The following ZZEF1 variants were observed in gnomAD, a reference collection of about 807,000 sequenced individuals.
ZZEF1 encodes the protein zinc finger ZZ-type and EF-hand domain containing 1, also known as zinc finger ZZ-type and EF-hand domain-containing protein 1.
In ZZEF1, 157 loss-of-function variants were observed where a neutral mutation model predicts 342.8. The ratio of observed to expected loss-of-function variants is 0.46; its 90% confidence interval spans 0.40 to 0.52. The LOEUF is 0.52. Among genes scored for constraint, ZZEF1 ranks in the 20% least tolerant of loss-of-function variants. The pLI, the probability that ZZEF1 is intolerant of heterozygous loss-of-function variation, is 0.00. For synonymous variants in ZZEF1, 1,505 were observed against 1,429.1 expected (o/e 1.05, Z -1.20); for missense variants, 3,480 against 3,725.6 (o/e 0.93, Z 1.72).
chr17:4,065,799 C>A (rs2057380676), intron 28 of ZZEF1, among the ~76,000 whole-genome samples: 1 of 151,906 alleles, frequency 6.6e-6, no homozygotes, highest in Non-Finnish European at 1.5e-5. Flanking sequence ...AATAGTAATT[C>A]TTTTATTTCA....
At position 4,016,259 on chromosome 17, in the gene ZZEF1, G is replaced by C; in HGVS notation, c.8145+64C>G. On this transcript the variant is annotated intron_variant, in intron 49 of 54. Coordinates refer to ENST00000381638, the MANE Select transcript of ZZEF1 (RefSeq NM_015113.4). The surrounding 1 kb of genome is among the most constrained non-coding windows in gnomAD (Gnocchi z 4.4). ...GGCTGAGCATGGAGGGGCTGAGCAC[G>C]GAGGGGCTGACGAGGTCTCTGCGGC... 1.3e-6 allele frequency: 2 copies of C among 1,554,428 alleles called. No homozygotes were observed. Among genetic ancestry groups the C allele is most frequent in the Non-Finnish European group, 8.7e-7 (1 of 1,154,170 alleles).
At chr17:4,084,313 C>G (rs1003779404) in intron 16 of ZZEF1, among the ~76,000 whole-genome samples, 2 of 150,904 alleles carry the variant, frequency 1.3e-5, no homozygotes, top group African/African-American at 4.9e-5. Context: ...TTTTTCCTCT[C>G]TGATTCCATT....
intron 26 of ZZEF1, among the ~76,000 whole-genome samples, chr17:4,068,811 G>C (rs1460845242): frequency 6.6e-6 from 1 of 151,994 alleles, no homozygotes; most frequent in Non-Finnish European, 1.5e-5. Flanking sequence ...TTATATTCAA[G>C]TTGAAAAACT....
Position 4,014,119 on chromosome 17 carries a change from G to A in ZZEF1, c.8384C>T (p.Thr2795Met), listed in dbSNP as rs143099505. 357 of 1,614,036 alleles carry A rather than the reference G, an allele frequency of 2.2e-4. 1 individual carries two copies. The highest frequency in any genetic ancestry group is 4.0e-4 in the East Asian group (18 of 44,902). The stretch of plus-strand genomic sequence containing the variant: ...CTGGAACCGCCCCAGGTGTCCGGCC[G>A]TCACGGTGAATCTGTAGCCCCACTC... The part of the protein sequence containing the change: ...NTEWGYRFTV[T>M]AGHLGRFQTG... The change falls in exon 51 of 55, where the codon ACG becomes ATG. Residue 2795 changes from threonine to methionine, a missense_variant. Thr to Met is a moderately conservative substitution (Grantham distance 81). Transcript: ENST00000381638. The surrounding 1 kb of genome is among the most constrained non-coding windows in gnomAD (Gnocchi z 4.4).
chr17:4,081,065 C>T (rs2057714346), intron 18 of ZZEF1, among the ~76,000 whole-genome samples: 1 of 152,022 alleles, frequency 6.6e-6, no homozygotes. Flanking sequence ...AAGAGAGACT[C>T]CATCTCTACA....
At position 4,049,786 on chromosome 17, in the gene ZZEF1, G is replaced by A. The variant is rs61731013; in HGVS notation, c.5937C>T (p.Val1979=). ...CCTCTGACGCTCCGGTGGGCACAGT[G>A]ACTGGTAGGGCCTGATCTTCTAGGC... The part of the protein sequence containing the change: ...DSSLEDQALP[V]TVPTGASEEQ... Residue 1979 remains valine, a synonymous_variant, in exon 37 of 55, where the codon GTC becomes GTT. Transcript: ENST00000381638. 2,312 of 1,614,076 alleles carry A rather than the reference G, an allele frequency of 1.4e-3. 8 individuals carry two copies. Among genetic ancestry groups the A allele is most frequent in the South Asian group, 6.0e-3 (546 of 91,060 alleles).
chr17:4,132,861 G>C (rs903178511), intron 1 of ZZEF1, among the ~76,000 whole-genome samples: 3 of 152,062 alleles, frequency 2.0e-5, no homozygotes, highest in Non-Finnish European at 2.9e-5. Flanking sequence ...AGCTACTCGG[G>C]AGACTGAGGC....
chr17:4,137,204 CA>C (rs535470269), intron 1 of ZZEF1, among the ~76,000 whole-genome samples: 123 of 152,242 alleles, frequency 8.1e-4, no homozygotes, highest in Admixed American at 2.1e-3. Context: ...CAGGGAGAGA[CA>C]AAAGAGCTGT....
At chr17:4,102,125 A>G (rs1052010715) in intron 9 of ZZEF1, among the ~76,000 whole-genome samples, 192 bp downstream of exon 9, 7 of 152,186 alleles carry the variant, frequency 4.6e-5, no homozygotes, top group Non-Finnish European at 8.8e-5. Flanking sequence ...AATACTTCTG[A>G]GTTGTTATAG....
intron 39 of ZZEF1, among the ~76,000 whole-genome samples, chr17:4,041,149 C>A (rs2056793471): frequency 6.6e-6 from 1 of 152,176 alleles, no homozygotes; most frequent in Non-Finnish European, 1.5e-5. Context: ...TACCAGCTAC[C>A]TAGACAGGTC....
chr17:4,054,130 A>G lies in ZZEF1; in HGVS notation c.5361T>C (p.Asp1787=), dbSNP rs1347120644. 14 of 1,613,008 alleles carry G rather than the reference A, an allele frequency of 8.7e-6. No individual in the cohort carries two copies. The highest frequency in any genetic ancestry group is 2.5e-6 in the Non-Finnish European group (3 of 1,179,234). Residue 1787 remains aspartate (D), a synonymous_variant, in exon 34 of 55, where the codon GAT becomes GAC. Coordinates refer to ENST00000381638, the MANE Select transcript of ZZEF1 (RefSeq NM_015113.4). ...GGTATCGATGCCAGGGGGCAATCTC[A>G]TCACACCCATCACAAGAGATGTCCA... ...LNVDISCDGC[D]EIAPWHRYRC... is the part of the protein sequence containing the mutation.
Position 4,014,402 on chromosome 17 carries a change from T to G in ZZEF1, c.8259A>C (p.Gln2753His). The G allele has an allele frequency of 6.2e-7, 1 of 1,614,278 alleles. No homozygotes were observed. Residue 2753 changes from glutamine to histidine, a missense_variant, in exon 50 of 55, where the codon CAA (glutamine) becomes CAC (histidine). Gln to His is a conservative substitution (Grantham distance 24). Coordinates refer to ENST00000381638, the MANE Select transcript of ZZEF1 (RefSeq NM_015113.4). This position sits in a 1 kb window ranked among gnomAD's most constrained non-coding sequence, Gnocchi z 4.4. Reference sequence around the variant, plus strand: ...GAGACCCGCTGAAGCTGTGTCGGTCTTGCTGGAAGTCACTGCTGCTGGACA... The same window carrying G: ...GAGACCCGCTGAAGCTGTGTCGGTCGTGCTGGAAGTCACTGCTGCTGGACA... Reference protein sequence around the residue: ...LAMSSSSDFQQDRHSFSGSQQ... With the variant: ...LAMSSSSDFQHDRHSFSGSQQ...
Position 4,017,103 on chromosome 17 carries a change from T to C in ZZEF1, c.8001+268A>G, listed in dbSNP as rs2056124800. The C allele has an allele frequency of 2.2e-6, 1 of 452,600 alleles. No individual in the cohort carries two copies. Among genetic ancestry groups the C allele is most frequent in the East Asian group, 4.0e-5 (1 of 25,148 alleles). The allele number at this position is 452,600 out of a possible 1,614,324, so 28.0% of individuals were successfully genotyped here. On this transcript the variant is annotated intron_variant, in intron 48 of 54. Coordinates refer to ENST00000381638, the MANE Select transcript of ZZEF1 (RefSeq NM_015113.4). This position sits in a 1 kb window ranked among gnomAD's most constrained non-coding sequence, Gnocchi z 5.1. ...ACAGGATCAAAAAGGAGCTACCGAATGTGCCTCAAGATTTCTGCACTTGGA... is the reference window on the plus strand; with the variant it reads ...ACAGGATCAAAAAGGAGCTACCGAACGTGCCTCAAGATTTCTGCACTTGGA...
intron 1 of ZZEF1, among the ~76,000 whole-genome samples, chr17:4,136,496 T>G (rs560250053): frequency 6.6e-6 from 1 of 152,046 alleles, no homozygotes; most frequent in African/African-American, 2.4e-5. Context: ...TGTGGTCAAG[T>G]AGGTTGACCA....
rs778340915 is a variant in ZZEF1 at position 4,074,237 on chromosome 17, C to T, written c.3598G>A (p.Val1200Met). The change falls in exon 24 of 55, where the codon GTG (valine) becomes ATG (methionine). Residue 1200 changes from valine to methionine, a missense_variant. By Grantham distance (21) the Val-to-Met change is conservative (BLOSUM62 1). This residue lies in a region of ZZEF1 where 1,528 missense variants were observed against 1,624.1 expected (regional missense o/e 0.94). Transcript: ENST00000381638. ...VTACGLPDVA[V>M]SWGLDLQLLV... Reference sequence around the variant, plus strand: ...AGCTGTAAATCCAGCCCCCAAGACACGGCAACATCGGGCAGCCCACAGGCA... The same window carrying T: ...AGCTGTAAATCCAGCCCCCAAGACATGGCAACATCGGGCAGCCCACAGGCA... 9.3e-6 allele frequency: 15 copies of T among 1,614,128 alleles called. No individual in the cohort carries two copies. In the East Asian group the frequency reaches 2.0e-4, roughly 22 times the overall value.
chr17:4,142,793 G>A lies in ZZEF1; in HGVS notation c.103C>T (p.Pro35Ser). 1 of 1,413,678 alleles carries A rather than the reference G, an allele frequency of 7.1e-7. No individual in the cohort carries two copies. The highest frequency in any genetic ancestry group is 9.1e-7 in the Non-Finnish European group (1 of 1,095,892). 87.6% of individuals were successfully genotyped at this position (1,413,678 alleles called of 1,614,324 possible). The change falls in exon 1 of 55, where the codon CCC (proline) becomes TCC (serine). Residue 35 changes from proline to serine, a missense_variant. By Grantham distance (74) the Pro-to-Ser change is moderately conservative. Coordinates refer to ENST00000381638, the MANE Select transcript of ZZEF1 (RefSeq NM_015113.4). The stretch of plus-strand genomic sequence containing the variant: ...GCTGGAGCCGCGACGCCCGGGCCGG[G>A]GGTCGTGCCCGAGACCGCGGCCCAG... ...QDWAAVSGTT[P>S]GPGVAAPALP...
chr17:4,090,273 G>A (rs71366588), intron 12 of ZZEF1, among the ~76,000 whole-genome samples: 83 of 134,778 alleles, frequency 6.2e-4, no homozygotes, highest in African/African-American at 2.6e-3. Flanking sequence ...TCAGCCTGAG[G>A]CGCCCTCCTC....
Position 4,008,923 on chromosome 17 carries a change from G to A in ZZEF1, c.8765C>T (p.Ala2922Val). The A allele has an allele frequency of 2.6e-6, 4 of 1,544,658 alleles. No homozygotes were observed. The highest frequency in any genetic ancestry group is 3.5e-6 in the Non-Finnish European group (4 of 1,148,010). The change falls in exon 54 of 55, where the codon GCC becomes GTC. Residue 2922 changes from alanine (A) to valine (V), a missense_variant. Physicochemically the swap from Ala to Val is moderately conservative, Grantham distance 64 (BLOSUM62 0). Coordinates refer to ENST00000381638, the MANE Select transcript of ZZEF1 (RefSeq NM_015113.4). The surrounding 1 kb of genome is among the most constrained non-coding windows in gnomAD (Gnocchi z 4.2). The stretch of plus-strand genomic sequence containing the variant: ...GAGAAGGTGGTCGTCCGTGGTTAGG[G>A]CCAGCAGGTAATCCTGCAGCACGCC... ...ELGVLQDYLLALTTDDHLLRC... is the reference protein window; with the variant it reads ...ELGVLQDYLLVLTTDDHLLRC...
chr17:4,043,570 C>G (rs1567788366), intron 38 of ZZEF1, among the ~76,000 whole-genome samples: 1 of 152,234 alleles, frequency 6.6e-6, no homozygotes, highest in Non-Finnish European at 1.5e-5. Context: ...CCTCAATCCT[C>G]CTAAGCCAGC....
Sources: gnomAD v4.1 joint callset for allele counts (sites outside exome capture counted in the v4.1 genomes callset) on GRCh38, gnomAD v4.1.1 for gene constraint, gnomAD v4.1.1 regional missense constraint, Gnocchi (gnomAD v3.1) non-coding constraint, MANE v1.5 for transcripts, NCBI Gene and HGNC (gene_info 2026-07-23, HGNC 2026-07-21) for gene names.